The following LRRTM4 variants were observed in gnomAD, a reference collection of about 807,000 sequenced individuals.
LRRTM4 encodes the protein leucine-rich repeat transmembrane neuronal protein 4.
LRRTM4 carries 25 observed loss-of-function variants against 47.6 expected under a neutral mutation model. The ratio of observed to expected loss-of-function variants is 0.53; its 90% CI spans 0.38 to 0.73. The LOEUF (loss-of-function observed/expected upper bound fraction) is 0.73. Ranked by LOEUF, LRRTM4 falls within the 30% of genes least tolerant of loss-of-function variation. The pLI is 0.00. For synonymous variants in LRRTM4, 311 were observed against 269.5 expected (o/e 1.15, Z -1.51); for missense variants, 638 against 713.4 (o/e 0.89, Z 1.20).
At chr2:76,754,873 C>T (rs1431853514) in intron 3 of LRRTM4, among the ~76,000 whole-genome samples, 4 of 152,128 alleles carry the variant, frequency 2.6e-5, no homozygotes, top group Non-Finnish European at 2.9e-5. Flanking sequence ...GCATCTTAGA[C>T]CAGCCAGTCT....
At chr2:77,476,947 T>C (rs1047934491) in intron 3 of LRRTM4, among the ~76,000 whole-genome samples, 6 of 148,728 alleles carry the variant, frequency 4.0e-5, no homozygotes, top group Non-Finnish European at 7.4e-5. Flanking sequence ...GAATTATGTA[T>C]AATAAATTTG....
chr2:76,974,195 T>TAC (rs755469915), intron 3 of LRRTM4, among the ~76,000 whole-genome samples: 1 of 115,622 alleles, frequency 8.6e-6, no homozygotes, highest in East Asian at 4.2e-4. Flanking sequence ...TACATATATA[T>TAC]ACATATATAT....
intron 3 of LRRTM4, among the ~76,000 whole-genome samples, chr2:77,135,337 T>A (rs757443948): frequency 6.6e-6 from 1 of 152,218 alleles, no homozygotes; most frequent in African/African-American, 2.4e-5. Flanking sequence ...AAATGGCACA[T>A]TGGCACATGC....
intron 3 of LRRTM4, among the ~76,000 whole-genome samples, chr2:76,765,223 G>C (rs555679769): frequency 6.6e-6 from 1 of 152,122 alleles, no homozygotes; most frequent in Non-Finnish European, 1.5e-5. Flanking sequence ...TTGGAAGCAC[G>C]TAATTTGTGT....
chr2:77,190,462 A>AT (rs1300225535), intron 3 of LRRTM4, among the ~76,000 whole-genome samples: 8 of 150,672 alleles, frequency 5.3e-5, no homozygotes, highest in Non-Finnish European at 8.9e-5. Context: ...ACCCAGCTAA[A>AT]TTTTTTTTTG....
At chr2:77,384,446 G>A (rs938688117) in intron 3 of LRRTM4, among the ~76,000 whole-genome samples, 1 of 151,682 alleles carries the variant, frequency 6.6e-6, no homozygotes, top group Admixed American at 6.6e-5. Flanking sequence ...TGTGTGTTTT[G>A]TACAATGTCT....
At chr2:77,106,123 T>C (rs889397964) in intron 3 of LRRTM4, among the ~76,000 whole-genome samples, 5 of 152,202 alleles carry the variant, frequency 3.3e-5, no homozygotes, top group African/African-American at 1.2e-4. Context: ...TCAGATTAAA[T>C]ATCACTTTTT....
chr2:76,914,731 A>T (rs1406824349), intron 3 of LRRTM4, among the ~76,000 whole-genome samples: 1 of 152,286 alleles, frequency 6.6e-6, no homozygotes, highest in South Asian at 2.1e-4. Flanking sequence ...TCTATTTCTC[A>T]AATTTATTTG....
chr2:77,139,776 T>C (rs1335177672), intron 3 of LRRTM4, among the ~76,000 whole-genome samples: 1 of 152,088 alleles, frequency 6.6e-6, no homozygotes, highest in Non-Finnish European at 1.5e-5. Context: ...TTCAGCAAAG[T>C]CTCAGGATAC....
chr2:76,777,374 A>T (rs1279776786), intron 3 of LRRTM4, among the ~76,000 whole-genome samples: 1 of 143,188 alleles, frequency 7.0e-6, no homozygotes, highest in African/African-American at 2.6e-5. Context: ...CACGATATTG[A>T]TTCTTCCTAC....
intron 3 of LRRTM4, among the ~76,000 whole-genome samples, chr2:77,337,968 G>T (rs879148087): frequency 6.6e-6 from 1 of 152,146 alleles, no homozygotes; most frequent in Non-Finnish European, 1.5e-5. Context: ...CTTCAACAAA[G>T]TTGACAAAAC....
At chr2:76,893,974 G>C (rs149487370) in intron 3 of LRRTM4, among the ~76,000 whole-genome samples, 5 of 151,948 alleles carry the variant, frequency 3.3e-5, no homozygotes, top group African/African-American at 9.6e-5. Context: ...ATGAGGATAA[G>C]TTTGACACAG....
intron 3 of LRRTM4, among the ~76,000 whole-genome samples, chr2:77,495,343 A>G (rs1321578386): frequency 6.6e-6 from 1 of 152,062 alleles, no homozygotes; most frequent in Non-Finnish European, 1.5e-5. Context: ...CTCTCAGTCC[A>G]TGGCTTATAT....
Position 77,072,948 on chromosome 2 carries a change from T to C in LRRTM4, c.1552-324032A>G, listed in dbSNP as rs574042332. ...TTTGTTAAGACAGAAGAAGCATAAA[T>C]ATTATTCTTAAGCACACTATATAGA... On this transcript the variant is annotated intron_variant, in intron 3 of 3. Coordinates refer to ENST00000409884, the MANE Select transcript of LRRTM4 (RefSeq NM_001134745.3). Among the ~76,000 whole-genome samples, 7 of 152,000 alleles carry C rather than the reference T, an allele frequency of 4.6e-5. No homozygotes were observed. In the South Asian group the frequency reaches 1.5e-3, roughly 32 times the overall value.
chr2:76,836,897 C>T (rs1236570671), intron 3 of LRRTM4, among the ~76,000 whole-genome samples: 1 of 152,042 alleles, frequency 6.6e-6, no homozygotes, highest in Non-Finnish European at 1.5e-5. Context: ...TGTCTTTTCC[C>T]TTATGTTACA....
intron 3 of LRRTM4, among the ~76,000 whole-genome samples, chr2:77,333,048 G>A (rs1671027845): frequency 6.6e-6 from 1 of 152,146 alleles, no homozygotes; most frequent in African/African-American, 2.4e-5. Context: ...CAGTTTTTGT[G>A]CATAAGCTCT....
intron 3 of LRRTM4, among the ~76,000 whole-genome samples, chr2:76,845,511 A>T (rs1204610417): frequency 2.0e-5 from 3 of 152,024 alleles, no homozygotes; most frequent in Non-Finnish European, 4.4e-5. Flanking sequence ...CCTCTGTGGG[A>T]AGAATTCTCC....
chr2:77,494,918 T>C (rs1386597371), intron 3 of LRRTM4, among the ~76,000 whole-genome samples: 1 of 152,128 alleles, frequency 6.6e-6, no homozygotes, highest in Non-Finnish European at 1.5e-5. Flanking sequence ...TCTGTTTTGA[T>C]TTGCCTTCTT....
chr2:76,916,384 C>CAAAAAAAAAAAAAAA (rs57874749), intron 3 of LRRTM4, among the ~76,000 whole-genome samples: 7 of 53,496 alleles, frequency 1.3e-4, no homozygotes, highest in South Asian at 5.9e-4. Context: ...GACTGTGTCT[C>CAAAAAAAAAAAAAAA]AAAAAAAAAA....
Sources: allele counts gnomAD v4.1 joint callset (sites outside exome capture counted in the v4.1 genomes callset), GRCh38; gene constraint gnomAD v4.1.1; transcripts MANE v1.5; gene names NCBI Gene and HGNC (gene_info 2026-07-23, HGNC 2026-07-21).